The following NIBAN2 variants were observed in gnomAD, a reference collection of about 807,000 sequenced individuals.
The protein encoded by NIBAN2 is protein Niban 2.
Under a neutral mutation model 81.8 loss-of-function variants are expected in NIBAN2, and 36 were observed. The observed-to-expected ratio is 0.44, with a 90% CI of 0.34 to 0.58. NIBAN2 has a LOEUF of 0.58. NIBAN2 is among the 20% of genes least tolerant of loss of function. NIBAN2 has a pLI of 0.02. For missense variants in NIBAN2, 897 were observed against 1,014.1 expected, an observed-to-expected ratio of 0.88 and a Z score of 1.57; for synonymous variants, 445 against 441.6, an observed-to-expected ratio of 1.01 and a Z score of -0.10.
intron 1 of NIBAN2, among the ~76,000 whole-genome samples, chr9:127,539,163 G>A (rs1286207043): frequency 6.6e-6 from 1 of 151,972 alleles, no homozygotes; most frequent in African/African-American, 2.4e-5. Flanking sequence ...AGGAAGAAAA[G>A]TGAGGCTCAG....
At chr9:127,549,450 C>T (rs971082543) in intron 1 of NIBAN2, among the ~76,000 whole-genome samples, 1 of 152,148 alleles carries the variant, frequency 6.6e-6, no homozygotes, top group Non-Finnish European at 1.5e-5. Context: ...CACACACACG[C>T]ACATTCACAC....
chr9:127,517,970 G>A lies in NIBAN2; in HGVS notation c.590-29C>T, dbSNP rs1331318902. ...CCCAGGAGACGGAGGGAGAGAGGAG[G>A]TCAGCAGATGGCCCAGTGGCCTCTA... On this transcript the variant is annotated intron_variant, in intron 5 of 13. Transcript: ENST00000373312. The surrounding 1 kb of genome is among the most constrained non-coding windows in gnomAD (Gnocchi z 4.0). The A allele has an allele frequency of 6.8e-7, 1 of 1,477,656 alleles. No individual in the cohort carries two copies. The allele number at this position is 1,477,656 out of a possible 1,614,324, so 91.5% of individuals were successfully genotyped here. A position where few individuals can be genotyped will look rare whatever the true frequency, so the allele number is the denominator to read the frequency against.
chr9:127,525,829 G>A (rs60595993), intron 3 of NIBAN2, among the ~76,000 whole-genome samples: 27 of 152,248 alleles, frequency 1.8e-4, no homozygotes, highest in African/African-American at 5.8e-4. Flanking sequence ...CCAGAGCCTG[G>A]GGTATTTGAC....
intron 1 of NIBAN2, among the ~76,000 whole-genome samples, chr9:127,542,002 C>G (rs1837388537): frequency 6.6e-6 from 1 of 152,136 alleles, no homozygotes. Context: ...GCCCCCCAGC[C>G]AGGCCACTCC....
intron 1 of NIBAN2, among the ~76,000 whole-genome samples, chr9:127,553,432 A>G (rs570198052): frequency 8.6e-4 from 131 of 152,170 alleles, no homozygotes; most frequent in Non-Finnish European, 1.4e-3. Context: ...TGGGGACTGA[A>G]CCCCGAGGAC....
chr9:127,525,072 C>T lies in NIBAN2; in HGVS notation c.407G>A (p.Gly136Asp). 2 of 1,613,702 alleles carry T rather than the reference C, an allele frequency of 1.2e-6. No individual in the cohort carries two copies. Among genetic ancestry groups the T allele is most frequent in the Non-Finnish European group, 1.7e-6 (2 of 1,179,594 alleles). ...TSVDQYLELI[G>D]NSLPGTTAKS... ...TGCTCCTTTACCTGGTAAGGAGTTG[C>T]CAATGAGCTCCAGGTATTGGTCCAC... Residue 136 changes from glycine to aspartate, a missense_variant, in exon 4 of 14, where the codon GGC (glycine) becomes GAC (aspartate). By Grantham distance (94) the Gly-to-Asp change is moderately conservative. Around this residue, in one of 3 missense-constraint regions of NIBAN2, gnomAD observed 209 missense variants for 208.4 expected, o/e 1.00. Coordinates refer to ENST00000373312, the MANE Select transcript of NIBAN2 (RefSeq NM_022833.4).
At position 127,568,925 on chromosome 9, in the gene NIBAN2, C is replaced by G; in HGVS notation, c.-51G>C. On this transcript the variant is annotated 5_prime_UTR_variant, in exon 1 of 14. Coordinates refer to ENST00000373312, the MANE Select transcript of NIBAN2 (RefSeq NM_022833.4). ...CGGCCGACGCCGCCGCTGTTGCCCG[C>G]GCTGCTCAGGCGGACGCCGCTGGCG... 7.3e-6 allele frequency: 9 copies of G among 1,230,894 alleles called. No individual in the cohort carries two copies. The highest frequency in any genetic ancestry group is 9.1e-6 in the Non-Finnish European group (9 of 987,522). The allele number at this position is 1,230,894 out of a possible 1,614,324, so 76.2% of individuals were successfully genotyped here.
At position 127,507,361 on chromosome 9, in the gene NIBAN2, G is replaced by A. The variant is rs1206228270; in HGVS notation, c.1725C>T (p.Asp575=). The A allele has an allele frequency of 6.5e-7, 1 of 1,538,286 alleles. No individual in the cohort carries two copies. The highest frequency in any genetic ancestry group is 1.8e-4 in the Middle Eastern group (1 of 5,542). Residue 575 remains aspartate, a synonymous_variant, in exon 14 of 14, where the codon GAC becomes GAT. Coordinates refer to ENST00000373312, the MANE Select transcript of NIBAN2 (RefSeq NM_022833.4). The surrounding 1 kb of genome is among the most constrained non-coding windows in gnomAD (Gnocchi z 6.8). The part of the protein sequence containing the change: ...YRDSMVMHNS[D]PNLHLLAEGA... ...CCTCGGCCAGCAGGTGCAGGTTGGG[G>A]TCGCTGTTGTGCATGACCATGCTGT...
At position 127,507,884 on chromosome 9, in the gene NIBAN2, A is replaced by G. The variant is rs759396491; in HGVS notation, c.1637T>C (p.Met546Thr). Residue 546 changes from methionine (M) to threonine (T), a missense_variant, in exon 13 of 14, where the codon ATG becomes ACG. Physicochemically the swap from Met to Thr is moderately conservative, Grantham distance 81. Around this residue, in one of 3 missense-constraint regions of NIBAN2, gnomAD observed 619 missense variants for 691.0 expected, o/e 0.90. Transcript: ENST00000373312. This position sits in a 1 kb window ranked among gnomAD's most constrained non-coding sequence, Gnocchi z 6.8. ...TYEEVVLQTVMKDILQAVKEA... is the reference protein window; with the variant it reads ...TYEEVVLQTVTKDILQAVKEA... The stretch of plus-strand genomic sequence containing the variant: ...GCACCCACCCTGCAGGATGTCCTTC[A>G]TGACGGTCTGCAGCACCACCTCCTC... 6 of 1,614,078 alleles carry G rather than the reference A, an allele frequency of 3.7e-6. No homozygotes were observed. The highest frequency in any genetic ancestry group is 4.2e-6 in the Non-Finnish European group (5 of 1,179,998).
chr9:127,556,892 C>G (rs1216377894), intron 1 of NIBAN2, among the ~76,000 whole-genome samples: 2 of 152,278 alleles, frequency 1.3e-5, no homozygotes, highest in African/African-American at 4.8e-5. Flanking sequence ...CTGGGTAACA[C>G]AGGGAGACTC....
At position 127,508,915 on chromosome 9, in the gene NIBAN2, G is replaced by C. The variant is rs1373126034; in HGVS notation, c.1317+61C>G. 3.8e-6 allele frequency: 6 copies of C among 1,576,324 alleles called. No individual in the cohort carries two copies. Among genetic ancestry groups the C allele is most frequent in the Middle Eastern group, 2.1e-4 (1 of 4,814 alleles). ...ACGGAGCAGAAGGGACCCCCTGGGC[G>C]AGGGGGCCTGTGGAAGGCAGTGGAC... On this transcript the variant is annotated intron_variant, in intron 10 of 13. Transcript: ENST00000373312. This position sits in a 1 kb window ranked among gnomAD's most constrained non-coding sequence, Gnocchi z 6.4.
intron 1 of NIBAN2, among the ~76,000 whole-genome samples, chr9:127,548,021 C>T (rs558485867): frequency 6.6e-6 from 1 of 152,290 alleles, no homozygotes; most frequent in South Asian, 2.1e-4. Context: ...GTGGCCAGGA[C>T]ATAAATGGTC....
upstream of NIBAN2, among the ~76,000 whole-genome samples, chr9:127,571,420 G>A (rs577632058): frequency 7.2e-5 from 11 of 152,258 alleles, no homozygotes; most frequent in East Asian, 1.2e-3. Flanking sequence ...AAAGGCGGCC[G>A]GGCGCAATGG....
chr9:127,520,923 A>T (rs188189913), intron 5 of NIBAN2, among the ~76,000 whole-genome samples: 118 of 152,182 alleles, frequency 7.8e-4, no homozygotes, highest in African/African-American at 2.2e-3. Flanking sequence ...AGAAAAGTAC[A>T]TTTCTTCTTG....
chr9:127,515,317 G>A (rs896160277), intron 8 of NIBAN2, among the ~76,000 whole-genome samples: 2 of 151,824 alleles, frequency 1.3e-5, no homozygotes, highest in East Asian at 2.0e-4. Flanking sequence ...TCAGGAGATC[G>A]AGACCATCCT....
intron 1 of NIBAN2, among the ~76,000 whole-genome samples, chr9:127,535,560 T>C (rs138084121): frequency 8.5e-4 from 130 of 152,074 alleles, no homozygotes; most frequent in African/African-American, 3.0e-3. Flanking sequence ...AGGCTGAAGG[T>C]CAGGTCCCTG....
At chr9:127,516,150 A>G (rs1836826064) in intron 8 of NIBAN2, among the ~76,000 whole-genome samples, 6 of 152,022 alleles carry the variant, frequency 3.9e-5, no homozygotes. Context: ...ATAAAATAAA[A>G]TAAAAAGAAC....
At chr9:127,551,331 T>C (rs1337199434) in intron 1 of NIBAN2, among the ~76,000 whole-genome samples, 1 of 152,100 alleles carries the variant, frequency 6.6e-6, no homozygotes, top group African/African-American at 2.4e-5. Context: ...AAGACCGGCC[T>C]GGGCAACACG....
In NIBAN2 at chr9:127,508,671, T is replaced by C. The variant is rs1357419354; in HGVS notation, c.1318-133A>G. 9 of 810,646 alleles carry C rather than the reference T, an allele frequency of 1.1e-5. No individual in the cohort carries two copies. Among genetic ancestry groups the C allele is most frequent in the South Asian group, 4.4e-5 (3 of 67,456 alleles). The allele number at this position is 810,646 out of a possible 1,614,324, so 50.2% of individuals were successfully genotyped here. ...CCAGGGAGGAATGGCAAGCGGTCTA[T>C]GCCCACTCACAGCTCTGCACGCTGG... On this transcript the variant is annotated intron_variant, in intron 10 of 13. Transcript: ENST00000373312. The surrounding 1 kb of genome is among the most constrained non-coding windows in gnomAD (Gnocchi z 6.4).
Sources: allele counts gnomAD v4.1 joint callset (sites outside exome capture counted in the v4.1 genomes callset), GRCh38; gene constraint gnomAD v4.1.1; regional missense constraint gnomAD v4.1.1; non-coding constraint Gnocchi (gnomAD v3.1); transcripts MANE v1.5; gene names NCBI Gene and HGNC (gene_info 2026-07-23, HGNC 2026-07-21).